The following ERC1 variants were observed in gnomAD, a reference collection of about 807,000 sequenced individuals.
ERC1 encodes RAB6 interacting protein 2.
In ERC1, 56 loss-of-function variants were observed where a neutral mutation model predicts 132.0. That is an observed-to-expected ratio of 0.42 (90% CI 0.34 to 0.53). The LOEUF (loss-of-function observed/expected upper bound fraction) is 0.53. Ranked by LOEUF, ERC1 falls within the 20% of genes least tolerant of loss-of-function variation. The pLI is 0.03. For synonymous variants in ERC1, 478 were observed against 476.1 expected (o/e 1.00, Z -0.05); for missense variants, 1,202 against 1,349.9 (o/e 0.89, Z 1.72).
In ERC1 at chr12:1,289,895, TAGAATCCATGAAAGCAA is replaced by T; in HGVS notation, c.2666_2682del (p.Glu889AlafsTer17). On this transcript the variant is annotated frameshift_variant, in exon 15 of 19. Coordinates refer to ENST00000360905, the MANE Select transcript of ERC1 (RefSeq NM_178040.4). LOFTEE classifies it high-confidence loss of function. ...GCCATGGAGAAGGTAAAGCAGGAAC[TAGAATCCATGAAAGCAA>T]AGCTGTCCTCCACCCAGCAGTCTCT... 1 of 1,613,896 alleles carries T rather than the reference TAGAATCCATGAAAGCAA, an allele frequency of 6.2e-7. No individual in the cohort carries two copies. Among genetic ancestry groups the T allele is most frequent in the East Asian group, 2.2e-5 (1 of 44,868 alleles).
chr12:1,402,398 C>T (rs891169399), intron 16 of ERC1, among the ~76,000 whole-genome samples: 3 of 151,924 alleles, frequency 2.0e-5, no homozygotes, highest in East Asian at 1.9e-4. Context: ...GGCATGGTGG[C>T]GGGCATCTGT....
chr12:1,363,124 C>A (rs993046512), intron 15 of ERC1, among the ~76,000 whole-genome samples: 1 of 152,164 alleles, frequency 6.6e-6, no homozygotes, highest in Non-Finnish European at 1.5e-5. Context: ...AACGACTGAT[C>A]TGCCTCCGAT....
intron 12 of ERC1, among the ~76,000 whole-genome samples, chr12:1,235,810 G>A (rs2075374483): frequency 6.6e-6 from 1 of 152,122 alleles, no homozygotes; most frequent in African/African-American, 2.4e-5. Flanking sequence ...TAGCAATTCA[G>A]TTCCTAGGCC....
intron 1 of ERC1, among the ~76,000 whole-genome samples, chr12:1,006,420 CAGAGTGTTACTCTGTCACCTAGGCG>C (rs1565765525): frequency 9.9e-5 from 15 of 152,046 alleles, no homozygotes; most frequent in Non-Finnish European, 1.8e-4. Context: ...GTTTTTGAGA[CAGAGTGTTACTCTGTCACCTAGGCG>C]CAATTTCAGC....
intron 3 of ERC1, among the ~76,000 whole-genome samples, chr12:1,084,481 A>C (rs1942680253): frequency 6.6e-6 from 1 of 152,172 alleles, no homozygotes; most frequent in African/African-American, 2.4e-5. Context: ...TTTTGTAAAA[A>C]GTCTGAAATC....
At chr12:1,261,998 G>T (rs2077173283) in intron 13 of ERC1, among the ~76,000 whole-genome samples, 1 of 152,096 alleles carries the variant, frequency 6.6e-6, no homozygotes, top group Non-Finnish European at 1.5e-5. Context: ...GATTTTTGAA[G>T]GTACAGTTGT....
chr12:1,060,993 C>T (rs954662097), intron 2 of ERC1, among the ~76,000 whole-genome samples: 1 of 152,134 alleles, frequency 6.6e-6, no homozygotes. Flanking sequence ...CCCCAAAGTG[C>T]TGGGATTACA....
chr12:1,347,461 G>A (rs2154365079), intron 15 of ERC1, among the ~76,000 whole-genome samples: 1 of 152,072 alleles, frequency 6.6e-6, no homozygotes, highest in East Asian at 1.9e-4. Flanking sequence ...TATCTCACAT[G>A]CTTGTCATTT....
chr12:1,043,928 T>A (rs1460168314), intron 2 of ERC1, among the ~76,000 whole-genome samples: 4 of 152,248 alleles, frequency 2.6e-5, no homozygotes, highest in Admixed American at 2.6e-4. Flanking sequence ...ACATACATAC[T>A]ATTTTATTAT....
chr12:1,414,844 ATGTGTGTG>A (rs758275991), intron 17 of ERC1, among the ~76,000 whole-genome samples: 37 of 151,978 alleles, frequency 2.4e-4, no homozygotes, highest in African/African-American at 8.7e-4. Context: ...GTAAATATAT[ATGTGTGTG>A]TGTGTCTGTG....
At chr12:1,178,958 T>C (rs1487519221) in intron 8 of ERC1, among the ~76,000 whole-genome samples, 2 of 152,218 alleles carry the variant, frequency 1.3e-5, no homozygotes, top group Non-Finnish European at 2.9e-5. Flanking sequence ...CCTGTGTATA[T>C]AGTGAATGAA....
At chr12:1,241,597 T>C (rs2075794504) in intron 13 of ERC1, among the ~76,000 whole-genome samples, 1 of 152,190 alleles carries the variant, frequency 6.6e-6, no homozygotes, top group Non-Finnish European at 1.5e-5. Context: ...TGTGTATGTG[T>C]TTGTTTCTTG....
intron 18 of ERC1, among the ~76,000 whole-genome samples, chr12:1,447,197 A>C (rs1199900050): frequency 6.6e-6 from 1 of 152,164 alleles, no homozygotes; most frequent in Non-Finnish European, 1.5e-5. Flanking sequence ...CTTTTGCTTC[A>C]GAATTTTGCA....
intron 16 of ERC1, chr12:1,385,736 A>G (rs1489109108): frequency 1.3e-5 from 2 of 152,190 alleles, no homozygotes; most frequent in East Asian, 1.9e-4. Flanking sequence ...CTAAGCCCGC[A>G]TTGTCCTCCT....
At chr12:1,138,527 TTGTC>T (rs1159731273) in intron 7 of ERC1, among the ~76,000 whole-genome samples, 4 of 151,532 alleles carry the variant, frequency 2.6e-5, no homozygotes, top group African/African-American at 9.7e-5. Context: ...GAGATAGTAT[TTGTC>T]TGTTGGGGGT....
intron 15 of ERC1, among the ~76,000 whole-genome samples, chr12:1,294,107 C>A (rs2079724253): frequency 6.6e-6 from 1 of 152,216 alleles, no homozygotes; most frequent in Non-Finnish European, 1.5e-5. Flanking sequence ...GACTCCTCCT[C>A]AGTTTTGCTT....
intron 1 of ERC1, among the ~76,000 whole-genome samples, chr12:1,008,318 T>A (rs763380753): frequency 3.3e-5 from 5 of 152,210 alleles, no homozygotes; most frequent in African/African-American, 1.2e-4. Context: ...AATTAAAAAA[T>A]TTTTAGTAGC....
intron 15 of ERC1, among the ~76,000 whole-genome samples, chr12:1,293,453 AAACAAC>A (rs201350540): frequency 4.9e-5 from 5 of 101,448 alleles, no homozygotes; most frequent in East Asian, 2.5e-4. Context: ...ACTCCATCTC[AAACAAC>A]AACAACAACA....
chr12:1,122,517 G>GTCTCTATCTCTATCTCTATCTCTA (rs542557854), intron 7 of ERC1, among the ~76,000 whole-genome samples: 1 of 4,606 alleles, frequency 2.2e-4, no homozygotes, highest in Non-Finnish European at 2.2e-3. Flanking sequence ...CTCTATCTGT[G>GTCTCTATCTCTATCTCTATCTCTA]TCTCTATCTC....
Sources: gnomAD v4.1 joint callset for allele counts (sites outside exome capture counted in the v4.1 genomes callset) on GRCh38, gnomAD v4.1.1 for gene constraint, MANE v1.5 for transcripts, NCBI Gene and HGNC (gene_info 2026-07-23, HGNC 2026-07-21) for gene names.